PEAK1: variants seen among roughly 807,000 people sequenced by gnomAD.
The protein encoded by PEAK1 is inactive tyrosine-protein kinase PEAK1.
In PEAK1, 54 loss-of-function variants were observed where a neutral mutation model predicts 124.7. The observed-to-expected ratio is 0.43, with a 90% CI of 0.35 to 0.54. The LOEUF is 0.54. PEAK1 is among the 20% of genes least tolerant of loss of function. The pLI is 0.01. For missense variants in PEAK1, 2,046 were observed against 2,134.5 expected (o/e 0.96, Z 0.82); for synonymous variants, 719 against 760.0 (o/e 0.95, Z 0.89).
At chr15:77,156,952 T>C (rs1158018480) in intron 8 of PEAK1, 3 of 152,196 alleles carry the variant, frequency 2.0e-5, no homozygotes, top group African/African-American at 7.2e-5. Flanking sequence ...GATAGTAGTT[T>C]AGGTAAACTA....
chr15:77,179,749 G>A lies in PEAK1; in HGVS notation c.2178C>T (p.Ser726=), dbSNP rs369498964. 1.2e-6 allele frequency: 2 copies of A among 1,614,064 alleles called. No homozygotes were observed. The highest frequency in any genetic ancestry group is 1.7e-5 in the Admixed American group (1 of 60,006). The change falls in exon 7 of 10, where the codon TCC becomes TCT. Residue 726 remains serine (S), a synonymous_variant. Coordinates refer to ENST00000682557, the MANE Select transcript of PEAK1 (RefSeq NM_001385026.1). ...GGATCTTTGCTGGGGAGCTGTGGCT[G>A]GAACTATAGCTTCTCTGTGGTGAAG... The part of the protein sequence containing the change: ...GQSSPQRSYS[S]SHSSPAKIQR...
rs944867835 is a variant in PEAK1, at chr15:77,108,392, T to C, written c.*5764A>G. 9.9e-5 allele frequency: 15 copies of C among 152,146 alleles called. No individual in the cohort carries two copies. Among genetic ancestry groups the C allele is most frequent in the African/African-American group, 3.4e-4 (14 of 41,416 alleles). 9.4% of individuals were successfully genotyped at this position (152,146 alleles called of 1,614,324 possible). Reference sequence around the variant, plus strand: ...AGGGCCAGAGAGAATTAAAGAGAGATTGGAATGAGGACTGTCATGATTCAA... The same window carrying C: ...AGGGCCAGAGAGAATTAAAGAGAGACTGGAATGAGGACTGTCATGATTCAA... On this transcript the variant is annotated 3_prime_UTR_variant, in exon 10 of 10. Coordinates refer to ENST00000682557, the MANE Select transcript of PEAK1 (RefSeq NM_001385026.1).
At chr15:77,119,226 A>C (rs771191527) in intron 9 of PEAK1, among the ~76,000 whole-genome samples, 1 of 152,204 alleles carries the variant, frequency 6.6e-6, no homozygotes, top group African/African-American at 2.4e-5. Flanking sequence ...GCCAGCTCAC[A>C]GGAAATGCCC....
intron 1 of PEAK1, 30 bp downstream of exon 1, chr15:77,419,976 A>C (rs2073249384): frequency 6.7e-6 from 1 of 148,520 alleles, no homozygotes; most frequent in South Asian, 2.1e-4. Flanking sequence ...AAGACAACCG[A>C]GCGGACGCGG....
At chr15:77,385,686 T>C (rs925986325) in intron 1 of PEAK1, among the ~76,000 whole-genome samples, 1 of 152,232 alleles carries the variant, frequency 6.6e-6, no homozygotes, top group Admixed American at 6.5e-5. Flanking sequence ...AGTCACACTG[T>C]ATGAAAATAA....
At chr15:77,178,721 G>T (rs941709399) in intron 7 of PEAK1, 69 bp downstream of exon 7, 5 of 1,444,002 alleles carry the variant, frequency 3.5e-6, no homozygotes, top group Admixed American at 2.0e-5. Flanking sequence ...AATCTTAAAA[G>T]ATATAAAAAA....
intron 2 of PEAK1, among the ~76,000 whole-genome samples, chr15:77,323,391 C>T (rs969268096): frequency 3.9e-5 from 6 of 152,136 alleles, no homozygotes; most frequent in Admixed American, 6.5e-5. Context: ...ACCCCATTGT[C>T]TCAGCCCAAA....
At chr15:77,273,627 T>C (rs2062151737) in intron 5 of PEAK1, among the ~76,000 whole-genome samples, 2 of 152,148 alleles carry the variant, frequency 1.3e-5, no homozygotes, top group East Asian at 1.9e-4. Flanking sequence ...AAAGAAATTA[T>C]AGATGACAAA....
chr15:77,150,669 C>A (rs1214350975), intron 8 of PEAK1, among the ~76,000 whole-genome samples: 1 of 128,676 alleles, frequency 7.8e-6, no homozygotes, highest in African/African-American at 2.9e-5. Flanking sequence ...CCCCTCCCCC[C>A]ACCCCACAAC....
At chr15:77,281,018 G>A (rs1368414867) in intron 5 of PEAK1, among the ~76,000 whole-genome samples, 1 of 152,018 alleles carries the variant, frequency 6.6e-6, no homozygotes, top group Non-Finnish European at 1.5e-5. Flanking sequence ...AAATTAGCCA[G>A]GTGGGGTGAC....
At chr15:77,169,663 A>G (rs984721349) in intron 7 of PEAK1, among the ~76,000 whole-genome samples, 1 of 152,220 alleles carries the variant, frequency 6.6e-6, no homozygotes, top group African/African-American at 2.4e-5. Flanking sequence ...TCAATCAGGA[A>G]ATACATTAGT....
intron 1 of PEAK1, chr15:77,403,225 G>A: frequency 3.0e-6 from 3 of 985,338 alleles, no homozygotes; most frequent in Non-Finnish European, 3.6e-6. Flanking sequence ...GATTGGGTAT[G>A]GTGAAAGCAG....
At chr15:77,166,603 C>T (rs1044809003) in intron 7 of PEAK1, among the ~76,000 whole-genome samples, 1 of 152,218 alleles carries the variant, frequency 6.6e-6, no homozygotes, top group Non-Finnish European at 1.5e-5. Flanking sequence ...CTCACAACAA[C>T]TTACTAGGCA....
chr15:77,180,879 C>T lies in PEAK1; in HGVS notation c.1048G>A (p.Glu350Lys), dbSNP rs766535767. ...CTGGCTGTCTCAGAACGTGATTCTT[C>T]TGTTAAAGAAGAATCTGGTGATGTG... ...DSTSPDSSLT[E>K]ESRSETASSL... The change falls in exon 7 of 10, where the codon GAA becomes AAA. Residue 350 changes from glutamate (E) to lysine (K), a missense_variant. Physicochemically the swap from Glu to Lys is moderately conservative, Grantham distance 56 (BLOSUM62 1). Coordinates refer to ENST00000682557, the MANE Select transcript of PEAK1 (RefSeq NM_001385026.1). The T allele has an allele frequency of 2.2e-5, 36 of 1,613,874 alleles. No homozygotes were observed. In the African/African-American group the frequency reaches 3.3e-4, roughly 15 times the overall value.
At chr15:77,376,143 T>C (rs922297006) in intron 1 of PEAK1, among the ~76,000 whole-genome samples, 1 of 151,696 alleles carries the variant, frequency 6.6e-6, no homozygotes, top group African/African-American at 2.4e-5. Context: ...AAATGTACAG[T>C]TCACTTAAAA....
At chr15:77,198,088 TGTA>T (rs1441837626) in intron 6 of PEAK1, among the ~76,000 whole-genome samples, 5 of 152,140 alleles carry the variant, frequency 3.3e-5, no homozygotes, top group Admixed American at 2.0e-4. Flanking sequence ...AATGTAAAGA[TGTA>T]GTATTAAATA....
chr15:77,358,345 T>C (rs1161268852), intron 2 of PEAK1, among the ~76,000 whole-genome samples: 1 of 152,172 alleles, frequency 6.6e-6, no homozygotes, highest in Non-Finnish European at 1.5e-5. Flanking sequence ...TCTATACTCT[T>C]TGATAGTCTC....
intron 7 of PEAK1, among the ~76,000 whole-genome samples, chr15:77,169,271 C>G (rs1567057754): frequency 6.6e-6 from 1 of 151,976 alleles, no homozygotes; most frequent in Non-Finnish European, 1.5e-5. Flanking sequence ...TCTTGTCAAC[C>G]AAGTATGAAA....
At chr15:77,153,815 T>G (rs2054877583) in intron 8 of PEAK1, among the ~76,000 whole-genome samples, 1 of 152,254 alleles carries the variant, frequency 6.6e-6, no homozygotes, top group Admixed American at 6.5e-5. Flanking sequence ...TTCTTAATCC[T>G]GAGTTCTAGT....
Sources: gnomAD v4.1 joint callset for allele counts (sites outside exome capture counted in the v4.1 genomes callset) on GRCh38, gnomAD v4.1.1 for gene constraint, MANE v1.5 for transcripts, NCBI Gene and HGNC (gene_info 2026-07-23, HGNC 2026-07-21) for gene names.